Variants in RASGEF1B observed in about 807,000 individuals in gnomAD.
RASGEF1B encodes the protein ras-GEF domain-containing family member 1B.
RASGEF1B carries 30 observed loss-of-function variants against 65.7 expected under a neutral mutation model. That is an observed-to-expected ratio of 0.46 (90% confidence interval 0.34 to 0.62). The LOEUF (loss-of-function observed/expected upper bound fraction) is 0.62. Ranked by LOEUF, RASGEF1B falls within the 20% of genes least tolerant of loss-of-function variation. The pLI, the probability that RASGEF1B is intolerant of heterozygous loss-of-function variation, is 0.01. For synonymous variants in RASGEF1B, 175 were observed against 194.8 expected (o/e 0.90, Z 0.85); for missense variants, 495 against 580.1 (o/e 0.85, Z 1.51).
At chr4:81,442,885 G>A (rs759773970) in intron 8 of RASGEF1B, among the ~76,000 whole-genome samples, 1 of 152,224 alleles carries the variant, frequency 6.6e-6, no homozygotes, top group Non-Finnish European at 1.5e-5. Context: ...AAAGAAACCA[G>A]TGACGGACCA....
At position 81,459,523 on chromosome 4, in the gene RASGEF1B, A is replaced by C. The variant is rs1722570100; in HGVS notation, c.-6-9T>G. On this transcript the variant is annotated splice_polypyrimidine_tract_variant and intron_variant, in intron 1 of 13. Coordinates refer to ENST00000264400, the MANE Select transcript of RASGEF1B (RefSeq NM_152545.3). ...GTCTGAGGCATACTTTCCTAAAAGG[A>C]ATAAAAAAGAAGAAAAAATAATGTC... The C allele has an allele frequency of 6.5e-7, 1 of 1,548,476 alleles. No homozygotes were observed. Among genetic ancestry groups the C allele is most frequent in the Non-Finnish European group, 8.7e-7 (1 of 1,151,080 alleles).
intron 13 of RASGEF1B, among the ~76,000 whole-genome samples, chr4:81,431,813 TAA>T (rs968398946): frequency 6.3e-4 from 96 of 152,314 alleles, no homozygotes; most frequent in African/African-American, 2.2e-3. Flanking sequence ...TCAAAAGTTG[TAA>T]ATCTGAAAAA....
chr4:81,456,816 G>T, intron 3 of RASGEF1B, 28 bp from the exon 4 acceptor site: 1 of 1,573,584 alleles, frequency 6.4e-7, no homozygotes, highest in African/African-American at 1.4e-5. Flanking sequence ...ATCTAATTCA[G>T]TGATATTTAT....
At chr4:81,470,202 C>T (rs1722972724) in intron 1 of RASGEF1B, among the ~76,000 whole-genome samples, 1 of 152,144 alleles carries the variant, frequency 6.6e-6, no homozygotes, top group Non-Finnish European at 1.5e-5. Context: ...ATGAAAACCT[C>T]AACAGCAAAT....
At position 81,445,822 on chromosome 4, in the gene RASGEF1B, C is replaced by T. The variant is rs773151341; in HGVS notation, c.746G>A (p.Arg249Gln). ...LDNDKSCYSE[R>Q]KKTRNLEAYV... ...AGCTTCTAAGTTTCGTGTTTTCTTCCGTTCACTGTAGCAACTCTTTAGAGA... is the reference window on the plus strand; with the variant it reads ...AGCTTCTAAGTTTCGTGTTTTCTTCTGTTCACTGTAGCAACTCTTTAGAGA... The change falls in exon 7 of 14, where the codon CGG becomes CAG. Residue 249 changes from arginine to glutamine, a missense_variant. Coordinates refer to ENST00000264400, the MANE Select transcript of RASGEF1B (RefSeq NM_152545.3). 14 of 1,613,512 alleles carry T rather than the reference C, an allele frequency of 8.7e-6. No individual in the cohort carries two copies. Among genetic ancestry groups the T allele is most frequent in the South Asian group, 2.2e-5 (2 of 91,052 alleles).
Position 81,442,962 on chromosome 4 carries a change from C to T in RASGEF1B, c.929-586G>A, listed in dbSNP as rs149285776. 2.7e-3 allele frequency among the ~76,000 whole-genome samples: 411 copies of T among 152,332 alleles called. 1 individual carries two copies. Among genetic ancestry groups the T allele is most frequent in the African/African-American group, 8.9e-3 (370 of 41,570 alleles). The stretch of plus-strand genomic sequence containing the variant: ...AAACTAATGTGTCAAACACGCTTTG[C>T]GTGTACTATCTCATACATCCCCTCA... On this transcript the variant is annotated intron_variant, in intron 8 of 13. Transcript: ENST00000264400.
In RASGEF1B at chr4:81,459,339, T is replaced by C. The variant is rs371123928; in HGVS notation, c.170A>G (p.Tyr57Cys). The C allele has an allele frequency of 2.0e-5, 32 of 1,591,012 alleles. No individual in the cohort carries two copies. The Admixed American group carries it at 2.2e-4, about 11-fold the overall frequency. ...AGAAACATGAATACCTACATCTGGA[T>C]AGTAATCCACATTAGGTACTAAGTG... ...IQHLVPNVDYYPDRTYIFTFL... is the reference protein window; with the variant it reads ...IQHLVPNVDYCPDRTYIFTFL... Residue 57 changes from tyrosine (Y) to cysteine (C), a missense_variant, in exon 2 of 14, where the codon TAT (tyrosine) becomes TGT (cysteine). Physicochemically the swap from Tyr to Cys is radical, Grantham distance 194. Coordinates refer to ENST00000264400, the MANE Select transcript of RASGEF1B (RefSeq NM_152545.3).
At chr4:81,465,084 CAAAA>C (rs113774656) in intron 1 of RASGEF1B, among the ~76,000 whole-genome samples, 1 of 91,788 alleles carries the variant, frequency 1.1e-5, no homozygotes. Context: ...AACTCCATCT[CAAAA>C]AAAAAAAAAA....
chr4:81,454,998 G>T (rs547761398), intron 4 of RASGEF1B: 1 of 152,142 alleles, frequency 6.6e-6, no homozygotes, highest in Non-Finnish European at 1.5e-5. Context: ...AAGTAAAAAG[G>T]TATAAGTAAA....
At position 81,446,243 on chromosome 4, in the gene RASGEF1B, G is replaced by GC. The variant is rs546623870; in HGVS notation, c.730-406dup. On this transcript the variant is annotated intron_variant, in intron 6 of 13. Transcript: ENST00000264400. ...TACAAAAAATTAGCTGGGCATGGTG[G>GC]CAGGTGCCTGTAATCCCAGCTACTT... Among the ~76,000 whole-genome samples, 1,033 of 152,302 alleles carry GC rather than the reference G, an allele frequency of 6.8e-3. 9 individuals are homozygous for GC. The highest frequency in any genetic ancestry group is 0.023 in the African/African-American group (950 of 41,570).
intron 1 of RASGEF1B, among the ~76,000 whole-genome samples, chr4:81,465,159 G>T (rs960651532): frequency 2.6e-5 from 4 of 151,692 alleles, no homozygotes; most frequent in African/African-American, 4.8e-5. Flanking sequence ...ACTGAGTTAA[G>T]AGAATAAAAT....
intron 4 of RASGEF1B, chr4:81,452,222 T>G (rs1722284596): frequency 6.6e-6 from 1 of 152,488 alleles, no homozygotes; most frequent in African/African-American, 2.4e-5. Context: ...GCAATTCTCC[T>G]GCCTCAGCCT....
intron 4 of RASGEF1B, among the ~76,000 whole-genome samples, chr4:81,448,820 T>C (rs1475946477): frequency 6.6e-6 from 1 of 152,084 alleles, no homozygotes; most frequent in Non-Finnish European, 1.5e-5. Context: ...TTTTGTTTTG[T>C]TTTGTTTTCT....
rs1721593116 is a variant in RASGEF1B at position 81,435,517 on chromosome 4, G to A, written c.1105-783C>T. Among the ~76,000 whole-genome samples, 6 of 125,474 alleles carry A rather than the reference G, an allele frequency of 4.8e-5. No individual in the cohort carries two copies. In the South Asian group the frequency reaches 1.6e-3, roughly 34 times the overall value. 82.3% of individuals were successfully genotyped at this position (125,474 alleles called of 152,430 possible). A position where few individuals can be genotyped will look rare whatever the true frequency, so the allele number is the denominator to read the frequency against. ...GGAGTCTCGCTCTGTCACCCAGGCT[G>A]GAGTGCAGTAGTGCGATCTCTGCTC... On this transcript the variant is annotated intron_variant, in intron 10 of 13. Coordinates refer to ENST00000264400, the MANE Select transcript of RASGEF1B (RefSeq NM_152545.3).
At chr4:81,434,111 G>A in intron 11 of RASGEF1B, 148 bp from the exon 12 acceptor site, 1 of 670,172 alleles carries the variant, frequency 1.5e-6, no homozygotes, top group Non-Finnish European at 2.5e-6. Flanking sequence ...GTGCAGTGGT[G>A]CAATCATAGC....
intron 1 of RASGEF1B, among the ~76,000 whole-genome samples, chr4:81,465,887 A>G (rs183293848): frequency 6.6e-6 from 1 of 152,302 alleles, no homozygotes; most frequent in East Asian, 1.9e-4. Context: ...TTTCCTCTAC[A>G]CTTGGAAAGA....
intron 11 of RASGEF1B, among the ~76,000 whole-genome samples, chr4:81,434,222 T>C (rs1396923644): frequency 6.6e-6 from 1 of 152,080 alleles, no homozygotes; most frequent in East Asian, 1.9e-4. Context: ...CTAGCTAATA[T>C]TTTAATTTTT....
chr4:81,437,341 C>T (rs1721665241), intron 10 of RASGEF1B, among the ~76,000 whole-genome samples: 1 of 152,194 alleles, frequency 6.6e-6, no homozygotes, highest in African/African-American at 2.4e-5. Flanking sequence ...ATTCATTCAT[C>T]TTCATACTGT....
chr4:81,427,935 A>C, intron 13 of RASGEF1B, 143 bp from the exon 14 acceptor site: 1 of 807,666 alleles, frequency 1.2e-6, no homozygotes, highest in Admixed American at 3.4e-5. Context: ...AAAAAAAATC[A>C]AGCTTTTAAG....
Sources: gnomAD v4.1 joint callset for allele counts (sites outside exome capture counted in the v4.1 genomes callset) on GRCh38, gnomAD v4.1.1 for gene constraint, MANE v1.5 for transcripts, NCBI Gene and HGNC (gene_info 2026-07-23, HGNC 2026-07-21) for gene names.